Variants in NBEA observed in about 807,000 individuals in gnomAD.
NBEA encodes lysosomal-trafficking regulator 2.
A neutral mutation model predicts 343.4 loss-of-function variants in NBEA; 44 were observed. The ratio of observed to expected loss-of-function variants is 0.13; its 90% CI spans 0.10 to 0.16. NBEA has a LOEUF of 0.16. Among genes scored for constraint, NBEA ranks in the 10% least tolerant of loss-of-function variants. NBEA has a pLI of 1.00. For synonymous variants in NBEA, 1,175 were observed against 1,238.7 expected (o/e 0.95, Z 1.08); for missense variants, 2,555 against 3,631.3 (o/e 0.70, Z 7.62).
chr13:35,032,908 G>A (rs1350584268), intron 1 of NBEA, among the ~76,000 whole-genome samples: 3 of 151,664 alleles, frequency 2.0e-5, no homozygotes, highest in Admixed American at 6.6e-5. Context: ...TTATTAATCC[G>A]TTGTCAGATG....
At chr13:34,953,839 C>G (rs2059415307) in intron 1 of NBEA, among the ~76,000 whole-genome samples, 1 of 152,204 alleles carries the variant, frequency 6.6e-6, no homozygotes, top group East Asian at 1.9e-4. Flanking sequence ...GGTGAGCGAG[C>G]ATTACCACCT....
chr13:35,638,194 G>A (rs941736909), intron 49 of NBEA, among the ~76,000 whole-genome samples: 5 of 152,186 alleles, frequency 3.3e-5, no homozygotes, highest in Admixed American at 2.6e-4. Flanking sequence ...TTACACAATA[G>A]TGTGAATGTA....
At chr13:35,529,583 TA>T (rs2078158402) in intron 41 of NBEA, among the ~76,000 whole-genome samples, 1 of 152,368 alleles carries the variant, frequency 6.6e-6, no homozygotes. Context: ...CATATAACTT[TA>T]CTTTGAAAGA....
rs940388296 is a variant in NBEA, at chr13:35,074,597, G to A, written c.1571+3745G>A. On this transcript the variant is annotated intron_variant, in intron 10 of 58. Transcript: ENST00000379939. ...ATCCCTGTCCTGTTTTATACTGTCC[G>A]ATGTTAGGTGATGGGATATTCATGG... is the stretch of plus-strand genomic sequence containing the variant. Among the ~76,000 whole-genome samples, 18 of 152,216 alleles carry A rather than the reference G, an allele frequency of 1.2e-4. 1 individual carries two copies. Among genetic ancestry groups the A allele is most frequent in the South Asian group, 8.3e-4 (4 of 4,820 alleles).
At position 34,949,857 on chromosome 13, in the gene NBEA, T is replaced by C. The variant is rs561814188; in HGVS notation, c.294+6743T>C. On this transcript the variant is annotated intron_variant, in intron 1 of 58. Transcript: ENST00000379939. ...GATGCAGTAATTTGTCTTTGTCTTT[T>C]TTCACCCTCTGGTAAGGTGGTAAGT... Among the ~76,000 whole-genome samples, 3 of 152,268 alleles carry C rather than the reference T, an allele frequency of 2.0e-5. No individual in the cohort carries two copies. The East Asian group carries it at 5.8e-4, about 29-fold the overall frequency.
chr13:35,229,702 G>A (rs2074861595), intron 33 of NBEA, among the ~76,000 whole-genome samples: 1 of 152,064 alleles, frequency 6.6e-6, no homozygotes, highest in Non-Finnish European at 1.5e-5. Context: ...GCCACAATAT[G>A]TCTTTTTTGG....
intron 41 of NBEA, among the ~76,000 whole-genome samples, chr13:35,547,567 A>G (rs1169232564): frequency 6.6e-6 from 1 of 152,236 alleles, no homozygotes. Context: ...GTAACAAGGG[A>G]CTGGCTAGTA....
chr13:35,077,848 A>T (rs1293180302), intron 10 of NBEA, among the ~76,000 whole-genome samples: 1 of 152,182 alleles, frequency 6.6e-6, no homozygotes, highest in Non-Finnish European at 1.5e-5. Flanking sequence ...ATTCCTATAT[A>T]TAGCAATAAG....
intron 34 of NBEA, among the ~76,000 whole-genome samples, chr13:35,258,489 T>C (rs780318581): frequency 7.2e-5 from 11 of 151,906 alleles, no homozygotes; most frequent in Non-Finnish European, 1.2e-4. Context: ...TGTGTTCTCT[T>C]ATTTTTATGA....
intron 41 of NBEA, among the ~76,000 whole-genome samples, chr13:35,508,567 G>A (rs1349926402): frequency 6.6e-6 from 1 of 152,160 alleles, no homozygotes; most frequent in East Asian, 1.9e-4. Flanking sequence ...TAACATTTGT[G>A]AACTGACTGG....
intron 41 of NBEA, among the ~76,000 whole-genome samples, chr13:35,503,744 T>C (rs1052817024): frequency 1.3e-5 from 2 of 152,096 alleles, no homozygotes; most frequent in Admixed American, 6.6e-5. Context: ...AAATAGCATA[T>C]TGGATTATTT....
At position 34,990,788 on chromosome 13, in the gene NBEA, T is replaced by C. The variant is rs58580736; in HGVS notation, c.294+47674T>C. ...AAATTTTCTTAACTTTTATGCTGTT[T>C]CCTTTTTAAGTATAAGTTCCAGTTT... On this transcript the variant is annotated intron_variant, in intron 1 of 58. Coordinates refer to ENST00000379939, the MANE Select transcript of NBEA (RefSeq NM_001385012.1). Among the ~76,000 whole-genome samples the C allele has an allele frequency of 8.4e-3, 1,281 of 152,372 alleles. 12 individuals are homozygous for C. The highest frequency in any genetic ancestry group is 0.023 in the African/African-American group (962 of 41,584).
At chr13:35,356,439 A>G (rs1280958133) in intron 38 of NBEA, among the ~76,000 whole-genome samples, 2 of 152,142 alleles carry the variant, frequency 1.3e-5, no homozygotes, top group African/African-American at 2.4e-5. Context: ...ATCAACTTCT[A>G]TATATTATAC....
chr13:35,215,105 T>G (rs930098586), intron 33 of NBEA, among the ~76,000 whole-genome samples: 5 of 151,716 alleles, frequency 3.3e-5, no homozygotes, highest in Non-Finnish European at 4.4e-5. Context: ...AACTATTTTT[T>G]TTTTACTTTT....
intron 34 of NBEA, among the ~76,000 whole-genome samples, chr13:35,239,558 A>G (rs2029874568): frequency 1.3e-5 from 2 of 152,162 alleles, no homozygotes; most frequent in African/African-American, 4.8e-5. Flanking sequence ...ATTCTGGCTG[A>G]AGAAAGGCGA....
chr13:34,985,466 T>C (rs2060511901), intron 1 of NBEA, among the ~76,000 whole-genome samples: 1 of 151,122 alleles, frequency 6.6e-6, no homozygotes, highest in South Asian at 2.1e-4. Context: ...GATTTTTGCA[T>C]CGATGTTCAT....
chr13:35,162,993 T>G (rs954711367), intron 23 of NBEA, among the ~76,000 whole-genome samples: 9 of 152,234 alleles, frequency 5.9e-5, no homozygotes, highest in Middle Eastern at 3.4e-3. Flanking sequence ...AGATGGTAAC[T>G]GAGGAAACCT....
chr13:35,335,776 C>G (rs888870057), intron 36 of NBEA, among the ~76,000 whole-genome samples: 4 of 151,878 alleles, frequency 2.6e-5, no homozygotes, highest in Non-Finnish European at 5.9e-5. Flanking sequence ...AGTGCGTTAA[C>G]CAAAAGTTTG....
chr13:35,184,019 A>T lies in NBEA; in HGVS notation c.4875A>T (p.Gly1625=). Residue 1625 remains glycine, a synonymous_variant, in exon 30 of 59, where the codon GGA becomes GGT. Coordinates refer to ENST00000379939, the MANE Select transcript of NBEA (RefSeq NM_001385012.1). ...PSIPHPSLNH[G]FLAKLIPEQS... ...TCCCTCATCCAAGTTTGAACCATGG[A>T]TTCCTTGCCAAGTTAATTCCTGAGC... 6.2e-7 allele frequency: 1 copy of T among 1,611,876 alleles called. No homozygotes were observed.
Sources: allele counts gnomAD v4.1 joint callset (sites outside exome capture counted in the v4.1 genomes callset), GRCh38; gene constraint gnomAD v4.1.1; transcripts MANE v1.5; gene names NCBI Gene and HGNC (gene_info 2026-07-23, HGNC 2026-07-21).